SMYD2: variants seen among roughly 807,000 people sequenced by gnomAD.
SMYD2 encodes the protein SET and MYND domain containing 2.
Under a neutral mutation model 59.1 loss-of-function variants are expected in SMYD2, and 53 were observed. The observed-to-expected ratio is 0.90, with a 90% CI of 0.72 to 1.13. SMYD2 has a LOEUF of 1.13. Ranked by LOEUF, SMYD2 falls within the 50% of genes most tolerant of loss-of-function variation. The probability of loss-of-function intolerance (pLI) is 0.00; values close to 1 mark genes in which losing one functional copy is unlikely to be tolerated. For missense variants in SMYD2, 494 were observed against 544.7 expected, an observed-to-expected ratio of 0.91 and a Z score of 0.93; for synonymous variants, 208 against 198.8, an observed-to-expected ratio of 1.05 and a Z score of -0.39.
chr1:214,281,361 G>A lies in SMYD2; in HGVS notation c.107G>A (p.Cys36Tyr). Residue 36 changes from cysteine to tyrosine, a missense_variant, in exon 1 of 12, where the codon TGC (cysteine) becomes TAC (tyrosine). Coordinates refer to ENST00000366957, the MANE Select transcript of SMYD2 (RefSeq NM_020197.3). The part of the protein sequence containing the change: ...PFQVGDLLFS[C>Y]PAYAYVLTVN... ...CAGGTGGGGGACTTGCTGTTCTCCT[G>A]CCCGGCCTATGCCTACGTGCTCACG... 1 of 1,456,812 alleles carries A rather than the reference G, an allele frequency of 6.9e-7. No individual in the cohort carries two copies. The highest frequency in any genetic ancestry group is 9.1e-7 in the Non-Finnish European group (1 of 1,095,982). The allele number at this position is 1,456,812 out of a possible 1,614,324, so 90.2% of individuals were successfully genotyped here.
At chr1:214,302,338 C>CA (rs35149670) in intron 1 of SMYD2, among the ~76,000 whole-genome samples, 71,704 of 138,402 alleles carry the variant, frequency 0.52, 18,049 homozygotes, top group African/African-American at 0.64. Flanking sequence ...GACTCCGTTT[C>CA]AAAAAAAAAA....
chr1:214,303,733 A>T (rs1285124689), intron 1 of SMYD2, among the ~76,000 whole-genome samples: 2 of 152,222 alleles, frequency 1.3e-5, no homozygotes, highest in East Asian at 1.9e-4. Context: ...GAAGCCGCGG[A>T]GGATTCTGCA....
chr1:214,323,287 T>A (rs1558056155), intron 5 of SMYD2, among the ~76,000 whole-genome samples: 1 of 152,198 alleles, frequency 6.6e-6, no homozygotes, highest in African/African-American at 2.4e-5. Flanking sequence ...GTGCCCAGCA[T>A]GTAAGGGCTC....
intron 1 of SMYD2, among the ~76,000 whole-genome samples, chr1:214,296,396 G>A (rs1255886724): frequency 6.6e-6 from 1 of 152,086 alleles, no homozygotes; most frequent in African/African-American, 2.4e-5. Context: ...TTTGTGGATA[G>A]AACTATTTCT....
chr1:214,335,542 T>C (rs1204846110), intron 11 of SMYD2, among the ~76,000 whole-genome samples: 1 of 152,204 alleles, frequency 6.6e-6, no homozygotes, highest in East Asian at 1.9e-4. Context: ...TAGGAATGCC[T>C]GTCATAGTCA....
intron 2 of SMYD2, among the ~76,000 whole-genome samples, chr1:214,310,454 G>C (rs1178591905): frequency 6.6e-6 from 1 of 150,484 alleles, no homozygotes; most frequent in African/African-American, 2.4e-5. Context: ...AGAATACTTT[G>C]GTATATATCT....
chr1:214,311,169 A>G (rs993720234), intron 2 of SMYD2, among the ~76,000 whole-genome samples: 8 of 152,236 alleles, frequency 5.3e-5, no homozygotes. Context: ...CAAAGACTTC[A>G]TCTCCCATCC....
chr1:214,318,232 T>C lies in SMYD2; in HGVS notation c.409+93T>C. On this transcript the variant is annotated intron_variant, in intron 4 of 11. Transcript: ENST00000366957. The surrounding 1 kb of genome is among the most constrained non-coding windows in gnomAD (Gnocchi z 5.4). ...GAAGCGAGGACGGGCTAGTTTGTGC[T>C]CAGAGGAGTAGTGATTTCTTTGATT... 1 of 1,178,510 alleles carries C rather than the reference T, an allele frequency of 8.5e-7. No individual in the cohort carries two copies. Among genetic ancestry groups the C allele is most frequent in the African/African-American group, 1.6e-5 (1 of 64,502 alleles). 73.0% of individuals were successfully genotyped at this position (1,178,510 alleles called of 1,614,324 possible).
intron 3 of SMYD2, among the ~76,000 whole-genome samples, chr1:214,315,938 G>C (rs1393167271): frequency 6.6e-6 from 1 of 152,174 alleles, no homozygotes; most frequent in African/African-American, 2.4e-5. Flanking sequence ...TTTAGCCACC[G>C]TACTGACTGT....
intron 2 of SMYD2, among the ~76,000 whole-genome samples, chr1:214,310,616 T>A (rs1206991347): frequency 1.3e-5 from 2 of 152,060 alleles, no homozygotes; most frequent in African/African-American, 4.8e-5. Flanking sequence ...GGAAAAGTTT[T>A]AGAAAAATTG....
In SMYD2 at chr1:214,302,132, A is replaced by G. The variant is rs138355065; in HGVS notation, c.174-3055A>G. Among the ~76,000 whole-genome samples, 461 of 152,240 alleles carry G rather than the reference A, an allele frequency of 3.0e-3. 1 individual carries two copies. Among genetic ancestry groups the G allele is most frequent in the African/African-American group, 0.011 (442 of 41,542 alleles). ...TGAGGCTGGTGGATCACCTGAGGTCAGGAGTTCGAGACCATCCTGGCCAAC... is the reference window on the plus strand; with the variant it reads ...TGAGGCTGGTGGATCACCTGAGGTCGGGAGTTCGAGACCATCCTGGCCAAC... On this transcript the variant is annotated intron_variant, in intron 1 of 11. Transcript: ENST00000366957.
At chr1:214,304,634 A>G (rs1204953104) in intron 1 of SMYD2, among the ~76,000 whole-genome samples, 3 of 150,522 alleles carry the variant, frequency 2.0e-5, no homozygotes, top group Non-Finnish European at 4.4e-5. Flanking sequence ...TTTCTGGACA[A>G]CATTCGAATA....
intron 5 of SMYD2, among the ~76,000 whole-genome samples, chr1:214,320,401 A>G (rs771677469): frequency 2.6e-5 from 4 of 152,238 alleles, no homozygotes; most frequent in Non-Finnish European, 4.4e-5. Flanking sequence ...GTGAGCATGT[A>G]TAACTTACAA....
intron 7 of SMYD2, among the ~76,000 whole-genome samples, 198 bp from the exon 8 acceptor site, chr1:214,329,970 G>T (rs894456657): frequency 6.6e-5 from 10 of 152,222 alleles, no homozygotes; most frequent in Admixed American, 2.0e-4. Flanking sequence ...GTGGATTAGT[G>T]AACACCTTCC....
intron 7 of SMYD2, 133 bp downstream of exon 7, chr1:214,327,857 C>A: frequency 1.5e-6 from 1 of 678,568 alleles, no homozygotes; most frequent in Non-Finnish European, 2.6e-6. Flanking sequence ...CTGAGTCTGC[C>A]CTCAGGCTCT....
intron 1 of SMYD2, 80 bp downstream of exon 1, chr1:214,281,507 C>G: frequency 1.8e-6 from 2 of 1,133,566 alleles, no homozygotes. Flanking sequence ...CCAGGAAGTG[C>G]GTGCGGCTCG....
rs1471348815 is a variant in SMYD2, at chr1:214,336,721, A to G, written c.1239A>G (p.Glu413=). ...TTTCCTAGGCCATTGCAATCATGGA[A>G]GTAGCTCACGGCAAAGATCATCCAT... is the stretch of plus-strand genomic sequence containing the variant. ...KALKKAIAIM[E]VAHGKDHPYI... The change falls in exon 12 of 12, where the codon GAA becomes GAG. Residue 413 remains glutamate, a synonymous_variant. Coordinates refer to ENST00000366957, the MANE Select transcript of SMYD2 (RefSeq NM_020197.3). 1.9e-6 allele frequency: 3 copies of G among 1,613,972 alleles called. No individual in the cohort carries two copies. Among genetic ancestry groups the G allele is most frequent in the Non-Finnish European group, 2.5e-6 (3 of 1,179,974 alleles).
At chr1:214,303,274 C>G (rs1027820573) in intron 1 of SMYD2, among the ~76,000 whole-genome samples, 2 of 152,234 alleles carry the variant, frequency 1.3e-5, no homozygotes, top group African/African-American at 4.8e-5. Flanking sequence ...CTCCCTGGCT[C>G]TGCTGTCTTT....
chr1:214,304,269 A>G (rs149700771), intron 1 of SMYD2, among the ~76,000 whole-genome samples: 56 of 152,148 alleles, frequency 3.7e-4, no homozygotes, highest in African/African-American at 1.1e-3. Flanking sequence ...TCAAGAATCT[A>G]TTTCTTGGTG....
Sources: allele counts gnomAD v4.1 joint callset (sites outside exome capture counted in the v4.1 genomes callset), GRCh38; gene constraint gnomAD v4.1.1; non-coding constraint Gnocchi (gnomAD v3.1); transcripts MANE v1.5; gene names NCBI Gene and HGNC (gene_info 2026-07-23, HGNC 2026-07-21).